DYNC2H1: variants seen among roughly 807,000 people sequenced by gnomAD.
The protein encoded by DYNC2H1 is dynein cytoplasmic 2 heavy chain 1, also known as cytoplasmic dynein 2 heavy chain 1.
DYNC2H1 carries 410 observed loss-of-function variants against 570.0 expected under a neutral mutation model. The ratio of observed to expected loss-of-function variants is 0.72; its 90% confidence interval spans 0.66 to 0.78. The LOEUF is 0.78. Ranked by LOEUF, DYNC2H1 falls within the 30% of genes least tolerant of loss-of-function variation. The probability of loss-of-function intolerance (pLI) is 0.00; values close to 1 mark genes in which losing one functional copy is unlikely to be tolerated. For synonymous variants in DYNC2H1, 1,688 were observed against 1,677.6 expected (o/e 1.01, Z -0.15); for missense variants, 4,865 against 5,046.4 (o/e 0.96, Z 1.09).
Position 103,156,503 on chromosome 11 carries a change from G to A in DYNC2H1, c.3860G>A (p.Arg1287Gln), listed in dbSNP as rs368052358. ...TLIDYEDSQS[R>Q]TMKLIKDWKD... Reference sequence around the variant, plus strand: ...ATTGATTATGAAGACAGCCAAAGTCGAACTATGAAGCTGATTAAAGACTGG... The same window carrying A: ...ATTGATTATGAAGACAGCCAAAGTCAAACTATGAAGCTGATTAAAGACTGG... The change falls in exon 26 of 89, where the codon CGA (arginine) becomes CAA (glutamine). Residue 1287 changes from arginine to glutamine, a missense_variant. Arg to Gln is a conservative substitution (Grantham distance 43). Around this residue, in one of 5 missense-constraint regions of DYNC2H1, gnomAD observed 1,936 missense variants for 1,962.1 expected, o/e 0.99. Transcript: ENST00000375735. 32 of 1,613,658 alleles carry A rather than the reference G, an allele frequency of 2.0e-5. No homozygotes were observed. The highest frequency in any genetic ancestry group is 1.1e-4 in the African/African-American group (8 of 74,998).
chr11:103,236,067 T>G (rs1864206777), intron 62 of DYNC2H1, among the ~76,000 whole-genome samples: 1 of 151,968 alleles, frequency 6.6e-6, no homozygotes, highest in Admixed American at 6.6e-5. Context: ...GACTGAATTA[T>G]TTTTGATATT....
intron 60 of DYNC2H1, among the ~76,000 whole-genome samples, chr11:103,231,808 C>A (rs1864021127): frequency 6.6e-6 from 1 of 151,886 alleles, no homozygotes; most frequent in Admixed American, 6.6e-5. Flanking sequence ...AGAAATTATT[C>A]AGATTAAAAC....
At chr11:103,430,180 T>G (rs1378818288) in intron 84 of DYNC2H1, among the ~76,000 whole-genome samples, 4 of 152,118 alleles carry the variant, frequency 2.6e-5, no homozygotes, top group African/African-American at 9.7e-5. Flanking sequence ...TTTTTTAAGG[T>G]TCATACAATA....
intron 30 of DYNC2H1, 142 bp from the exon 31 acceptor site, chr11:103,165,756 T>TA (rs1861279962): frequency 1.7e-6 from 1 of 602,578 alleles, no homozygotes; most frequent in Non-Finnish European, 2.7e-6. Context: ...ACTCTATTAA[T>TA]ATTTAAGGTT....
At position 103,203,626 on chromosome 11, in the gene DYNC2H1, T is replaced by G; in HGVS notation, c.8198-37T>G. 7.6e-7 allele frequency: 1 copy of G among 1,319,490 alleles called. No individual in the cohort carries two copies. The highest frequency in any genetic ancestry group is 1.0e-6 in the Non-Finnish European group (1 of 954,840). 81.7% of individuals were successfully genotyped at this position (1,319,490 alleles called of 1,614,324 possible). On this transcript the variant is annotated intron_variant, in intron 50 of 88. Transcript: ENST00000375735. This position sits in a 1 kb window ranked among gnomAD's most constrained non-coding sequence, Gnocchi z 4.7. ...ACAAAAATTGAAAAAGCATCATTTATTAAAATGTTTTCAATTAGTCTAATA... is the reference window on the plus strand; with the variant it reads ...ACAAAAATTGAAAAAGCATCATTTAGTAAAATGTTTTCAATTAGTCTAATA...
chr11:103,455,221 C>T lies in DYNC2H1; in HGVS notation c.12492C>T (p.Leu4164=), dbSNP rs1198687438. 1.9e-6 allele frequency: 3 copies of T among 1,613,366 alleles called. No homozygotes were observed. In the East Asian group the frequency reaches 6.7e-5, roughly 36 times the overall value. The part of the protein sequence containing the change: ...WVDKAEKQAL[L]SETLDLSELF... ...ATAAAGCTGAAAAACAGGCTCTTCTCTCTGAAACACTTGACCTATCAGAAC... is the reference window on the plus strand; with the variant it reads ...ATAAAGCTGAAAAACAGGCTCTTCTTTCTGAAACACTTGACCTATCAGAAC... Residue 4164 remains leucine (L), a synonymous_variant, in exon 86 of 89, where the codon CTC becomes CTT. Coordinates refer to ENST00000375735, the MANE Select transcript of DYNC2H1 (RefSeq NM_001377.3).
At chr11:103,212,759 C>T (rs2931804) in intron 54 of DYNC2H1, among the ~76,000 whole-genome samples, 90,940 of 151,860 alleles carry the variant, frequency 0.6, 27,527 homozygotes, top group Admixed American at 0.69. Flanking sequence ...TTATCTTAAT[C>T]ATTTCTAATG....
chr11:103,432,885 T>G (rs749806758), intron 84 of DYNC2H1, among the ~76,000 whole-genome samples: 2 of 152,102 alleles, frequency 1.3e-5, no homozygotes, highest in African/African-American at 2.4e-5. Flanking sequence ...CCAATAAATA[T>G]TAGCTTAAAA....
intron 3 of DYNC2H1, 149 bp downstream of exon 3, chr11:103,114,387 T>A: frequency 2.1e-6 from 2 of 958,588 alleles, no homozygotes; most frequent in Non-Finnish European, 2.9e-6. Context: ...TTTATGTGGA[T>A]GTAGAGAAGA....
chr11:103,186,324 C>T lies in DYNC2H1; in HGVS notation c.6716C>T (p.Ala2239Val), dbSNP rs753411975. ...TATGACTCTACTAGGGGTCGATTAG[C>T]AACATATGTGCTTAAGAAGCCAGAA... ...TYYDSTRGRL[A>V]TYVLKKPEDL... is the part of the protein sequence containing the mutation. Residue 2239 changes from alanine to valine, a missense_variant, in exon 42 of 89, where the codon GCA becomes GTA. Coordinates refer to ENST00000375735, the MANE Select transcript of DYNC2H1 (RefSeq NM_001377.3). This position sits in a 1 kb window ranked among gnomAD's most constrained non-coding sequence, Gnocchi z 4.5. 6.2e-7 allele frequency: 1 copy of T among 1,612,556 alleles called. No homozygotes were observed. Among genetic ancestry groups the T allele is most frequent in the East Asian group, 2.2e-5 (1 of 44,804 alleles).
chr11:103,203,524 GA>G lies in DYNC2H1; in HGVS notation c.8198-138del. 1.7e-6 allele frequency: 1 copy of G among 586,736 alleles called. No homozygotes were observed. Among genetic ancestry groups the G allele is most frequent in the Non-Finnish European group, 2.9e-6 (1 of 343,466 alleles). 36.3% of individuals were successfully genotyped at this position (586,736 alleles called of 1,614,324 possible). ...TTATCAAATGAGGGCTATAGATAAA[GA>G]TTTGTGAGTCAAGTAGAGGTAATAA... On this transcript the variant is annotated intron_variant, in intron 50 of 88. Coordinates refer to ENST00000375735, the MANE Select transcript of DYNC2H1 (RefSeq NM_001377.3). This position sits in a 1 kb window ranked among gnomAD's most constrained non-coding sequence, Gnocchi z 4.7.
chr11:103,283,528 T>G (rs1403878921), intron 73 of DYNC2H1, among the ~76,000 whole-genome samples: 3 of 152,210 alleles, frequency 2.0e-5, no homozygotes, highest in African/African-American at 4.8e-5. Context: ...GTTGTATCAT[T>G]ATAACAGCAC....
At chr11:103,291,227 C>T (rs893561622) in intron 75 of DYNC2H1, among the ~76,000 whole-genome samples, 7 of 152,182 alleles carry the variant, frequency 4.6e-5, no homozygotes, top group African/African-American at 9.6e-5. Context: ...CACCTGAGGT[C>T]GGGAGTTTGA....
rs556210819 is a variant in DYNC2H1 at position 103,171,761 on chromosome 11, G to T, written c.5334+693G>T. Among the ~76,000 whole-genome samples the T allele has an allele frequency of 9.2e-4, 140 of 152,212 alleles. 1 individual carries two copies. The highest frequency in any genetic ancestry group is 3.3e-3 in the African/African-American group (136 of 41,548). ...GGCTGAAGAAACTAGGACTTGATAAGTAAGAGTAAGAAGTGGAGCTAGGAA... is the reference window on the plus strand; with the variant it reads ...GGCTGAAGAAACTAGGACTTGATAATTAAGAGTAAGAAGTGGAGCTAGGAA... On this transcript the variant is annotated intron_variant, in intron 34 of 88. Coordinates refer to ENST00000375735, the MANE Select transcript of DYNC2H1 (RefSeq NM_001377.3).
In DYNC2H1 at chr11:103,446,037, T is replaced by TTTGTTGTTGTTGTTGTTG. The variant is rs61565760; in HGVS notation, c.12457-9134_12457-9117dup. 2.5e-4 allele frequency among the ~76,000 whole-genome samples: 37 copies of TTTGTTGTTGTTGTTGTTG among 150,588 alleles called. No individual in the cohort carries two copies. Among genetic ancestry groups the TTTGTTGTTGTTGTTGTTG allele is most frequent in the Middle Eastern group, 6.8e-3 (2 of 294 alleles). On this transcript the variant is annotated intron_variant, in intron 85 of 88. Transcript: ENST00000375735. This position sits in a 1 kb window ranked among gnomAD's most constrained non-coding sequence, Gnocchi z 4.5. ...TGACAATATGGTAATAGAGCAGAGTTTTGTTGTTGTTGTTGTTGTTGTTGT... is the reference window on the plus strand; with the variant it reads ...TGACAATATGGTAATAGAGCAGAGTTTTGTTGTTGTTGTTGTTGTTGTTGTTGTTGTTGTTGTTGTTGT...
intron 17 of DYNC2H1, among the ~76,000 whole-genome samples, chr11:103,139,469 G>T (rs1230026821): frequency 6.6e-6 from 1 of 152,062 alleles, no homozygotes; most frequent in Non-Finnish European, 1.5e-5. Flanking sequence ...ATTTCGTTAT[G>T]TACCCCAGTA....
At chr11:103,358,451 C>T (rs1940466903) in intron 83 of DYNC2H1, 92 bp downstream of exon 83, 2 of 825,978 alleles carry the variant, frequency 2.4e-6, no homozygotes, top group South Asian at 3.1e-5. Flanking sequence ...TACAAGTAAT[C>T]ACATTGCAGA....
rs1022254430 is a variant in DYNC2H1 at position 103,395,762 on chromosome 11, T to C, written c.12157-3901T>C. On this transcript the variant is annotated intron_variant, in intron 83 of 88. Coordinates refer to ENST00000375735, the MANE Select transcript of DYNC2H1 (RefSeq NM_001377.3). This position sits in a 1 kb window ranked among gnomAD's most constrained non-coding sequence, Gnocchi z 4.3. ...CTCATTAGTTAAGCCCCAATTCAAG[T>C]TGCAAATTAATTTGTGGAACTGAGT... Among the ~76,000 whole-genome samples, 2 of 152,156 alleles carry C rather than the reference T, an allele frequency of 1.3e-5. No individual in the cohort carries two copies. The highest frequency in any genetic ancestry group is 2.9e-5 in the Non-Finnish European group (2 of 68,022).
At chr11:103,171,347 C>T (rs1861561428) in intron 34 of DYNC2H1, among the ~76,000 whole-genome samples, 1 of 151,994 alleles carries the variant, frequency 6.6e-6, no homozygotes, top group Non-Finnish European at 1.5e-5. Flanking sequence ...CCTCTGCCTC[C>T]CAGGTTCAAG....
Sources: allele counts gnomAD v4.1 joint callset (sites outside exome capture counted in the v4.1 genomes callset), GRCh38; gene constraint gnomAD v4.1.1; regional missense constraint gnomAD v4.1.1; non-coding constraint Gnocchi (gnomAD v3.1); transcripts MANE v1.5; gene names NCBI Gene and HGNC (gene_info 2026-07-23, HGNC 2026-07-21).